Variants in IGF2BP2 observed in about 807,000 individuals in gnomAD.
IGF2BP2 encodes the protein insulin-like growth factor 2 mRNA-binding protein 2.
IGF2BP2 carries 17 observed loss-of-function variants against 75.8 expected under a neutral mutation model. The ratio of observed to expected loss-of-function variants is 0.22; its 90% CI spans 0.15 to 0.34. IGF2BP2 has a LOEUF of 0.34. Among genes scored for constraint, IGF2BP2 ranks in the 10% least tolerant of loss-of-function variants. The probability of loss-of-function intolerance (pLI) is 1.00; values close to 1 mark genes in which losing one functional copy is unlikely to be tolerated. For synonymous variants in IGF2BP2, 288 were observed against 295.6 expected, an observed-to-expected ratio of 0.97 and a Z score of 0.26; for missense variants, 516 against 772.4, an observed-to-expected ratio of 0.67 and a Z score of 3.93.
At chr3:185,688,797 C>G (rs980680609) in intron 6 of IGF2BP2, among the ~76,000 whole-genome samples, 1 of 152,218 alleles carries the variant, frequency 6.6e-6, no homozygotes, top group African/African-American at 2.4e-5. Flanking sequence ...CATCATGCTA[C>G]AGTCTTAGGA....
chr3:185,720,455 G>A (rs956996848), intron 2 of IGF2BP2, among the ~76,000 whole-genome samples: 12 of 152,120 alleles, frequency 7.9e-5, no homozygotes, highest in Non-Finnish European at 1.8e-4. Flanking sequence ...GAGCCACCGC[G>A]CCCGGCCCCC....
chr3:185,657,345 T>C lies in IGF2BP2; in HGVS notation c.1327A>G (p.Ile443Val). The change falls in exon 12 of 16, where the codon ATC (isoleucine) becomes GTC (valine). Residue 443 changes from isoleucine to valine, a missense_variant. By Grantham distance (29) the Ile-to-Val change is conservative (BLOSUM62 3). Around this residue, in one of 3 missense-constraint regions of IGF2BP2, gnomAD observed 129 missense variants for 230.5 expected, o/e 0.56. Coordinates refer to ENST00000382199, the MANE Select transcript of IGF2BP2 (RefSeq NM_006548.6). ...TTGATGTGTGCCCCCTTCTTCCCGATGATGGCGCCCACAGCCTGGGTTGGG... is the reference window on the plus strand; with the variant it reads ...TTGATGTGTGCCCCCTTCTTCCCGACGATGGCGCCCACAGCCTGGGTTGGG... ...FIPTQAVGAI[I>V]GKKGAHIKQL... The C allele has an allele frequency of 1.9e-6, 3 of 1,614,060 alleles. No homozygotes were observed. Among genetic ancestry groups the C allele is most frequent in the Non-Finnish European group, 1.7e-6 (2 of 1,179,964 alleles).
intron 2 of IGF2BP2, among the ~76,000 whole-genome samples, chr3:185,808,482 A>C (rs1739357725): frequency 6.6e-6 from 1 of 152,176 alleles, no homozygotes; most frequent in South Asian, 2.1e-4. Context: ...CTCCGTCTCA[A>C]AAATACTAAA....
intron 2 of IGF2BP2, among the ~76,000 whole-genome samples, chr3:185,739,649 G>A (rs1729283324): frequency 1.3e-5 from 2 of 152,180 alleles, no homozygotes; most frequent in Admixed American, 6.5e-5. Flanking sequence ...ATGACCAGGA[G>A]TCCAGGTACC....
chr3:185,705,647 CAG>C (rs929448742), intron 2 of IGF2BP2, among the ~76,000 whole-genome samples: 40 of 152,212 alleles, frequency 2.6e-4, no homozygotes, highest in Middle Eastern at 3.4e-3. Context: ...AGGTTATAAA[CAG>C]AAATTTATTT....
At chr3:185,801,132 A>G (rs1738197295) in intron 2 of IGF2BP2, among the ~76,000 whole-genome samples, 1 of 152,218 alleles carries the variant, frequency 6.6e-6, no homozygotes, top group African/African-American at 2.4e-5. Flanking sequence ...GGGTCATTAA[A>G]GAAATGCAAA....
At chr3:185,796,125 C>G (rs1442545178) in intron 2 of IGF2BP2, among the ~76,000 whole-genome samples, 1 of 152,076 alleles carries the variant, frequency 6.6e-6, no homozygotes, top group Non-Finnish European at 1.5e-5. Flanking sequence ...TCCCTAAGGT[C>G]TATGGATTCT....
At chr3:185,685,124 G>T (rs1720934310) in intron 7 of IGF2BP2, among the ~76,000 whole-genome samples, 1 of 152,158 alleles carries the variant, frequency 6.6e-6, no homozygotes, top group Non-Finnish European at 1.5e-5. Context: ...AAGGCGGGTG[G>T]ATCACCTGAG....
chr3:185,745,119 T>A (rs1730081570), intron 2 of IGF2BP2, among the ~76,000 whole-genome samples: 1 of 152,224 alleles, frequency 6.6e-6, no homozygotes, highest in Non-Finnish European at 1.5e-5. Context: ...CTCCACACGC[T>A]GCTTTGCACT....
At chr3:185,755,452 T>C (rs1049802511) in intron 2 of IGF2BP2, among the ~76,000 whole-genome samples, 2 of 152,200 alleles carry the variant, frequency 1.3e-5, no homozygotes, top group African/African-American at 2.4e-5. Flanking sequence ...ACCAGGGTAC[T>C]GCCTAGTGGA....
chr3:185,813,494 T>C (rs1740184818), intron 2 of IGF2BP2, among the ~76,000 whole-genome samples: 2 of 152,194 alleles, frequency 1.3e-5, no homozygotes, highest in Non-Finnish European at 2.9e-5. Context: ...TAAACAGTAG[T>C]ACAGCTGGAT....
At chr3:185,690,851 A>G (rs186049072) in intron 5 of IGF2BP2, among the ~76,000 whole-genome samples, 23 of 152,364 alleles carry the variant, frequency 1.5e-4, no homozygotes, top group Non-Finnish European at 2.9e-4. Flanking sequence ...TGACACACGA[A>G]ATACACTATC....
At chr3:185,769,999 T>C (rs1325394348) in intron 2 of IGF2BP2, among the ~76,000 whole-genome samples, 2 of 152,150 alleles carry the variant, frequency 1.3e-5, no homozygotes, top group African/African-American at 2.4e-5. Flanking sequence ...CAGCAGCCAC[T>C]GTATCCCTCT....
chr3:185,775,993 C>G (rs1055944011), intron 2 of IGF2BP2, among the ~76,000 whole-genome samples: 3 of 152,200 alleles, frequency 2.0e-5, no homozygotes, highest in African/African-American at 7.2e-5. Context: ...CCTGCAATCC[C>G]AGCACTTTGG....
At chr3:185,710,305 G>T (rs553426772) in intron 2 of IGF2BP2, among the ~76,000 whole-genome samples, 1 of 152,180 alleles carries the variant, frequency 6.6e-6, no homozygotes, top group African/African-American at 2.4e-5. Flanking sequence ...GATGGGGTAG[G>T]TATTGTGTGC....
At chr3:185,743,910 T>G (rs183765292) in intron 2 of IGF2BP2, among the ~76,000 whole-genome samples, 11 of 151,512 alleles carry the variant, frequency 7.3e-5, no homozygotes, top group African/African-American at 2.7e-4. Context: ...AGGAAAGAGG[T>G]TTTTAACACC....
intron 2 of IGF2BP2, among the ~76,000 whole-genome samples, chr3:185,737,065 T>C (rs1245770996): frequency 6.6e-6 from 1 of 152,270 alleles, no homozygotes; most frequent in African/African-American, 2.4e-5. Context: ...TCGCATTAAT[T>C]TGTATTTCTT....
At chr3:185,646,148 A>C (rs78364456) in intron 15 of IGF2BP2, among the ~76,000 whole-genome samples, 2,075 of 152,324 alleles carry the variant, frequency 0.014, 34 homozygotes, top group African/African-American at 0.047. Flanking sequence ...CTGTAGGAAC[A>C]GGCTGTTCAG....
At chr3:185,750,686 C>T (rs944061126) in intron 2 of IGF2BP2, among the ~76,000 whole-genome samples, 1 of 152,208 alleles carries the variant, frequency 6.6e-6, no homozygotes, top group Non-Finnish European at 1.5e-5. Context: ...AGATTACGTG[C>T]AATCCTCTGG....
Sources: gnomAD v4.1 joint callset for allele counts (sites outside exome capture counted in the v4.1 genomes callset) on GRCh38, gnomAD v4.1.1 for gene constraint, gnomAD v4.1.1 regional missense constraint, MANE v1.5 for transcripts, NCBI Gene and HGNC (gene_info 2026-07-23, HGNC 2026-07-21) for gene names.